The following PINX1 variants were observed in gnomAD, a reference collection of about 807,000 sequenced individuals.
PINX1 encodes the protein PIN2/TERF1-interacting telomerase inhibitor 1.
PINX1 carries 34 observed loss-of-function variants against 25.4 expected under a neutral mutation model. The observed-to-expected ratio is 1.34, with a 90% CI of 1.02 to 1.78. The LOEUF is 1.78. PINX1 is among the 40% of genes most tolerant of loss of function. PINX1 has a pLI of 0.00. For synonymous variants in PINX1, 197 were observed against 147.7 expected, an observed-to-expected ratio of 1.33 and a Z score of -2.42; for missense variants, 592 against 404.9, an observed-to-expected ratio of 1.46 and a Z score of -3.97.
In PINX1 at chr8:10,784,915, C is replaced by T. The variant is rs992979278; in HGVS notation, c.472-18999G>A. ...TCAGCCTCGTGCTCTTTGGCAGAGA[C>T]TGCCCGCTGTTCGAAGACATGCAAA... On this transcript the variant is annotated intron_variant, in intron 6 of 6. Coordinates refer to ENST00000314787, the MANE Select transcript of PINX1 (RefSeq NM_017884.6). Among the ~76,000 whole-genome samples the T allele has an allele frequency of 4.6e-5, 7 of 152,338 alleles. No homozygotes were observed. The East Asian group carries it at 1.2e-3, about 25-fold the overall frequency.
chr8:10,770,272 T>C (rs1801182546), intron 6 of PINX1, among the ~76,000 whole-genome samples: 1 of 152,214 alleles, frequency 6.6e-6, no homozygotes, highest in Non-Finnish European at 1.5e-5. Flanking sequence ...AGGTGGTTCA[T>C]GGGCGTACAC....
At chr8:10,820,321 G>C (rs376989158) in intron 5 of PINX1, 52 bp from the exon 6 acceptor site, 37 of 1,289,742 alleles carry the variant, frequency 2.9e-5, no homozygotes, top group Admixed American at 8.9e-5. Context: ...CTAAAAGAAA[G>C]AGCGCAGACA....
chr8:10,828,949 T>C (rs1346768284), intron 4 of PINX1, among the ~76,000 whole-genome samples: 1 of 152,152 alleles, frequency 6.6e-6, no homozygotes, highest in Non-Finnish European at 1.5e-5. Flanking sequence ...TAATAAGCAT[T>C]CATTAAAATG....
intron 6 of PINX1, among the ~76,000 whole-genome samples, chr8:10,807,263 T>A (rs1050562957): frequency 6.7e-6 from 1 of 148,830 alleles, no homozygotes; most frequent in Non-Finnish European, 1.5e-5. Context: ...ATTAAAAATA[T>A]GACAGCAAAA....
At chr8:10,789,430 G>C (rs552725662) in intron 6 of PINX1, among the ~76,000 whole-genome samples, 1 of 152,324 alleles carries the variant, frequency 6.6e-6, no homozygotes, top group Admixed American at 6.5e-5. Flanking sequence ...CTTTGGGAGT[G>C]ATGAGGACAC....
chr8:10,790,949 G>A (rs1469302568), intron 6 of PINX1, among the ~76,000 whole-genome samples: 3 of 152,006 alleles, frequency 2.0e-5, no homozygotes, highest in East Asian at 3.9e-4. Flanking sequence ...GTATCCCACC[G>A]TTGCCTCGGC....
chr8:10,827,708 C>A, intron 4 of PINX1, among the ~76,000 whole-genome samples: 1 of 151,508 alleles, frequency 6.6e-6, no homozygotes, highest in Admixed American at 6.6e-5. Flanking sequence ...AGATCGACAC[C>A]ATCCTGGCTA....
intron 6 of PINX1, among the ~76,000 whole-genome samples, chr8:10,793,048 T>C (rs1586159144): frequency 1.3e-5 from 2 of 152,134 alleles, no homozygotes; most frequent in East Asian, 3.8e-4. Context: ...GGCGTGCCAT[T>C]CTGACCCTCG....
chr8:10,811,428 T>C (rs58193873), intron 6 of PINX1, among the ~76,000 whole-genome samples: 25,531 of 152,208 alleles, frequency 0.17, 2,557 homozygotes, highest in Non-Finnish European at 0.23. Flanking sequence ...CAATGTCTAA[T>C]CACAGAACCA....
In PINX1 at chr8:10,820,238, A is replaced by G; in HGVS notation, c.426T>C (p.Asp142=). The part of the protein sequence containing the change: ...GKDLSSRSKT[D]LDCIFGKRQS... ...GTCTTTTCCCAAAAATGCAGTCAAG[A>G]TCTGTTTTGCTCCGAGATGACAGAT... Residue 142 remains aspartate (D), a synonymous_variant, in exon 6 of 7, where the codon GAT becomes GAC. Coordinates refer to ENST00000314787, the MANE Select transcript of PINX1 (RefSeq NM_017884.6). The G allele has an allele frequency of 6.2e-7, 1 of 1,613,046 alleles. No individual in the cohort carries two copies. Among genetic ancestry groups the G allele is most frequent in the Non-Finnish European group, 8.5e-7 (1 of 1,179,128 alleles).
chr8:10,825,389 T>C (rs778118884), intron 5 of PINX1: 2 of 534,676 alleles, frequency 3.7e-6, no homozygotes, highest in Non-Finnish European at 7.7e-6. Context: ...ATCAGCAGCA[T>C]CATCACGCTT....
intron 6 of PINX1, among the ~76,000 whole-genome samples, chr8:10,812,046 A>C (rs1208025707): frequency 6.6e-6 from 1 of 152,224 alleles, no homozygotes; most frequent in Non-Finnish European, 1.5e-5. Context: ...CTGAGTTTAC[A>C]GATAAAATTG....
intron 5 of PINX1, among the ~76,000 whole-genome samples, chr8:10,821,492 A>T (rs187915041): frequency 6.6e-6 from 1 of 152,204 alleles, no homozygotes; most frequent in Non-Finnish European, 1.5e-5. Flanking sequence ...CTTGACACTA[A>T]GCCCTCCTGC....
intron 6 of PINX1, among the ~76,000 whole-genome samples, chr8:10,801,983 A>G (rs574106557): frequency 6.6e-6 from 1 of 152,236 alleles, no homozygotes; most frequent in East Asian, 1.9e-4. Context: ...CATCCCCGCA[A>G]TGGAGAAGCA....
intron 6 of PINX1, among the ~76,000 whole-genome samples, chr8:10,818,661 G>A (rs1334263068): frequency 1.3e-5 from 2 of 152,218 alleles, no homozygotes; most frequent in Admixed American, 6.5e-5. Context: ...CAGAAGGCAC[G>A]TGAGCCCCAC....
Position 10,832,959 on chromosome 8 carries a change from G to A in PINX1, c.155C>T (p.Ala52Val), listed in dbSNP as rs755302581. 10 of 1,609,976 alleles carry A rather than the reference G, an allele frequency of 6.2e-6. No individual in the cohort carries two copies. Among genetic ancestry groups the A allele is most frequent in the Admixed American group, 1.7e-5 (1 of 59,772 alleles). Reference sequence around the variant, plus strand: ...CACTTGAACTTTAATATGATCTGTGGCTCCTTGCTCCTGAGCCCCTAAACC... The same window carrying A: ...CACTTGAACTTTAATATGATCTGTGACTCCTTGCTCCTGAGCCCCTAAACC... ...GKGLGAQEQG[A>V]TDHIKVQVKN... Residue 52 changes from alanine (A) to valine (V), a missense_variant, in exon 3 of 7, where the codon GCC (alanine) becomes GTC (valine). Physicochemically the swap from Ala to Val is moderately conservative, Grantham distance 64. Coordinates refer to ENST00000314787, the MANE Select transcript of PINX1 (RefSeq NM_017884.6).
At chr8:10,825,739 A>G (rs906119229) in intron 5 of PINX1, among the ~76,000 whole-genome samples, 1 of 152,234 alleles carries the variant, frequency 6.6e-6, no homozygotes, top group African/African-American at 2.4e-5. Context: ...AATATAGAGC[A>G]TAATTCTCTA....
At chr8:10,773,507 C>G (rs1022141354) in intron 6 of PINX1, among the ~76,000 whole-genome samples, 10 of 152,204 alleles carry the variant, frequency 6.6e-5, no homozygotes, top group African/African-American at 2.2e-4. Flanking sequence ...TTGGAAGTTA[C>G]AAACTCAGAC....
chr8:10,785,705 C>A (rs113400431), intron 6 of PINX1, among the ~76,000 whole-genome samples: 77 of 152,340 alleles, frequency 5.1e-4, no homozygotes, highest in African/African-American at 1.8e-3. Flanking sequence ...CTTTTCACAA[C>A]ACTGAACTAA....
Sources: allele counts gnomAD v4.1 joint callset (sites outside exome capture counted in the v4.1 genomes callset), GRCh38; gene constraint gnomAD v4.1.1; transcripts MANE v1.5; gene names NCBI Gene and HGNC (gene_info 2026-07-23, HGNC 2026-07-21).